The following API5 variants were observed in gnomAD, a reference collection of about 807,000 sequenced individuals.
API5 encodes the protein apoptosis inhibitor 5, also known as FIF.
A neutral mutation model predicts 71.9 loss-of-function variants in API5; 6 were observed. The ratio of observed to expected loss-of-function variants is 0.08; its 90% confidence interval spans 0.05 to 0.16. The LOEUF (loss-of-function observed/expected upper bound fraction) is 0.16. Among genes scored for constraint, API5 ranks in the 10% least tolerant of loss-of-function variants. The probability of loss-of-function intolerance (pLI) is 1.00; values close to 1 mark genes in which losing one functional copy is unlikely to be tolerated. For missense variants in API5, 332 were observed against 612.8 expected, an observed-to-expected ratio of 0.54 and a Z score of 4.84; for synonymous variants, 189 against 221.3, an observed-to-expected ratio of 0.85 and a Z score of 1.30.
At position 43,328,783 on chromosome 11, in the gene API5, G is replaced by A. The variant is rs150964963; in HGVS notation, c.1017G>A (p.Gln339=). 68 of 1,614,014 alleles carry A rather than the reference G, an allele frequency of 4.2e-5. No individual in the cohort carries two copies. In the African/African-American group the frequency reaches 8.4e-4, roughly 20 times the overall value. Residue 339 remains glutamine, a synonymous_variant, in exon 9 of 14, where the codon CAG becomes CAA. Transcript: ENST00000531273. ...ENAGNEEPKL[Q]FSYVECLLYS... ...CTGGTAATGAAGAACCCAAGCTACA[G>A]TTCAGTTATGTGGAATGTTTGTTGT...
chr11:43,316,579 T>A (rs1854679326), intron 1 of API5, among the ~76,000 whole-genome samples: 1 of 152,150 alleles, frequency 6.6e-6, no homozygotes, highest in South Asian at 2.1e-4. Context: ...GGTAGAGAAG[T>A]CAGCATGATT....
intron 4 of API5, 61 bp downstream of exon 4, chr11:43,321,537 T>C: frequency 7.6e-7 from 1 of 1,324,188 alleles, no homozygotes. Flanking sequence ...AAGTTAGGTG[T>C]TACTCATTAA....
chr11:43,328,110 T>G (rs1270376899), intron 8 of API5, among the ~76,000 whole-genome samples: 1 of 152,270 alleles, frequency 6.6e-6, no homozygotes, highest in East Asian at 1.9e-4. Flanking sequence ...TCAGCATCAC[T>G]GAGTGATTTT....
At position 43,328,100 on chromosome 11, in the gene API5, T is replaced by C. The variant is rs911891955; in HGVS notation, c.945+222T>C. On this transcript the variant is annotated intron_variant, in intron 8 of 13. Transcript: ENST00000531273. ...AATAGGCCATCTGATAAAATCATTA[T>C]CAGCATCACTGAGTGATTTTCTTAT... Among the ~76,000 whole-genome samples, 126 of 152,216 alleles carry C rather than the reference T, an allele frequency of 8.3e-4. 1 individual carries two copies. Among genetic ancestry groups the C allele is most frequent in the Non-Finnish European group, 2.5e-4 (17 of 68,034 alleles).
At chr11:43,321,561 G>C (rs1039057534) in intron 4 of API5, 85 bp downstream of exon 4, 43 of 1,097,164 alleles carry the variant, frequency 3.9e-5, no homozygotes, top group Non-Finnish European at 5.7e-5. Flanking sequence ...TAAACTCTAG[G>C]GTTTACCCAG....
chr11:43,318,614 C>G, intron 1 of API5, 26 bp from the exon 2 acceptor site: 3 of 1,608,808 alleles, frequency 1.9e-6, no homozygotes, highest in Non-Finnish European at 2.5e-6. Context: ...AATCATGTGT[C>G]TTTCCTGCTT....
Position 43,335,852 on chromosome 11 carries a change from T to C in API5, c.1356-6T>C, listed in dbSNP as rs1373838194. 4 of 1,599,660 alleles carry C rather than the reference T, an allele frequency of 2.5e-6. No individual in the cohort carries two copies. The South Asian group carries it at 4.5e-5, about 18-fold the overall frequency. On this transcript the variant is annotated splice_region_variant and splice_polypyrimidine_tract_variant and intron_variant, in intron 12 of 13. Transcript: ENST00000531273. ...TTTTGAATTGCTCTTCTTCCTATTG[T>C]TACAGGCAAAAGAGAGCCAGTGAAG...
At chr11:43,314,934 G>A (rs1338119566) in intron 1 of API5, among the ~76,000 whole-genome samples, 2 of 152,212 alleles carry the variant, frequency 1.3e-5, no homozygotes, top group Non-Finnish European at 2.9e-5. Flanking sequence ...TTTAAGGAGA[G>A]AAAACCGTGT....
At chr11:43,331,514 TAAGTGG>T in intron 11 of API5, among the ~76,000 whole-genome samples, 1 of 152,292 alleles carries the variant, frequency 6.6e-6, no homozygotes, top group Non-Finnish European at 1.5e-5. Flanking sequence ...GAGAAAATAT[TAAGTGG>T]AAGTGGATTA....
chr11:43,326,747 C>G (rs960581536), intron 7 of API5, 136 bp downstream of exon 7: 1 of 571,520 alleles, frequency 1.7e-6, no homozygotes, highest in African/African-American at 1.9e-5. Flanking sequence ...TCTCCCTAGA[C>G]CAGAATTAAT....
rs770204897 is a variant in API5 at position 43,323,561 on chromosome 11, G to C, written c.675G>C (p.Gln225His). ...TGGCTGAACAGGCCGACCTAGAACA[G>C]ACCTTCAATCCCTCGGATCCTGACT... ...ELVAEQADLE[Q>H]TFNPSDPDCV... Residue 225 changes from glutamine (Q) to histidine (H), a missense_variant, in exon 6 of 14, where the codon CAG (glutamine) becomes CAC (histidine). By Grantham distance (24) the Gln-to-His change is conservative. Transcript: ENST00000531273. The C allele has an allele frequency of 2.5e-6, 4 of 1,614,160 alleles. No individual in the cohort carries two copies. Among genetic ancestry groups the C allele is most frequent in the Non-Finnish European group, 3.4e-6 (4 of 1,180,010 alleles).
At position 43,343,503 on chromosome 11, in the gene API5, G is replaced by A. The variant is rs1855689697; in HGVS notation, c.*993G>A. 6.6e-6 allele frequency: 1 copy of A among 152,558 alleles called. No homozygotes were observed. The highest frequency in any genetic ancestry group is 2.1e-4 in the South Asian group (1 of 4,822). The allele number at this position is 152,558 out of a possible 1,614,324, so 9.5% of individuals were successfully genotyped here. A position where few individuals can be genotyped will look rare whatever the true frequency, so the allele number is the denominator to read the frequency against. ...TCTGATGTACATACAGGTTTCTACA[G>A]GAAGAGATGGTATAATTTACAATTT... On this transcript the variant is annotated 3_prime_UTR_variant, in exon 14 of 14. Coordinates refer to ENST00000531273, the MANE Select transcript of API5 (RefSeq NM_001142930.2).
At chr11:43,323,794 G>T (rs1854975209) in intron 6 of API5, among the ~76,000 whole-genome samples, 158 bp downstream of exon 6, 2 of 152,124 alleles carry the variant, frequency 1.3e-5, no homozygotes, top group African/African-American at 4.8e-5. Context: ...TTTGCATTGT[G>T]CCTGGTTGAG....
At chr11:43,338,306 T>C (rs1289694356) in intron 13 of API5, among the ~76,000 whole-genome samples, 1 of 152,174 alleles carries the variant, frequency 6.6e-6, no homozygotes, top group East Asian at 1.9e-4. Flanking sequence ...TGTTTTTTGC[T>C]TTACAAACAT....
At chr11:43,329,381 AAGAC>A (rs1298979696) in intron 9 of API5, 2 of 154,554 alleles carry the variant, frequency 1.3e-5, no homozygotes, top group African/African-American at 4.9e-5. Flanking sequence ...AAAAAATTAA[AAGAC>A]AGAAATGACT....
Position 43,323,463 on chromosome 11 carries a change from C to G in API5, c.577C>G (p.Leu193Val). 1 of 1,613,958 alleles carries G rather than the reference C, an allele frequency of 6.2e-7. No individual in the cohort carries two copies. Among genetic ancestry groups the G allele is most frequent in the South Asian group, 1.1e-5 (1 of 91,060 alleles). The change falls in exon 6 of 14, where the codon CTA (leucine) becomes GTA (valine). Residue 193 changes from leucine to valine, a missense_variant. Physicochemically the swap from Leu to Val is conservative, Grantham distance 32. Coordinates refer to ENST00000531273, the MANE Select transcript of API5 (RefSeq NM_001142930.2). The part of the protein sequence containing the change: ...LEDVTGEEFV[L>V]FMKILSGLKS... ...AGATGTGACTGGTGAAGAATTTGTT[C>G]TATTTATGAAGATACTGTCTGGGTT...
chr11:43,312,081 G>A lies in API5; in HGVS notation c.-47G>A, dbSNP rs1463433055. On this transcript the variant is annotated 5_prime_UTR_variant, in exon 1 of 14. Transcript: ENST00000531273. ...GAAGTTCCGAGGCGGCGGTGGCGCC[G>A]GTCAGGACAAGGATAGCGGAACCGG... The A allele has an allele frequency of 1.2e-6, 2 of 1,605,388 alleles. No individual in the cohort carries two copies. Among genetic ancestry groups the A allele is most frequent in the Admixed American group, 1.7e-5 (1 of 59,740 alleles).
intron 13 of API5, among the ~76,000 whole-genome samples, chr11:43,341,262 T>C (rs1855603170): frequency 6.6e-6 from 1 of 152,090 alleles, no homozygotes; most frequent in South Asian, 2.1e-4. Context: ...TTACATATGA[T>C]TAAAAGTCAG....
chr11:43,341,875 C>T (rs537807398), intron 13 of API5, among the ~76,000 whole-genome samples: 4 of 152,010 alleles, frequency 2.6e-5, no homozygotes, highest in African/African-American at 7.2e-5. Flanking sequence ...AAAAAGTGTA[C>T]GGGCTGGGCA....
Sources: allele counts gnomAD v4.1 joint callset (sites outside exome capture counted in the v4.1 genomes callset), GRCh38; gene constraint gnomAD v4.1.1; transcripts MANE v1.5; gene names NCBI Gene and HGNC (gene_info 2026-07-23, HGNC 2026-07-21).